Variants in SH3D19 observed in about 807,000 individuals in gnomAD.
SH3D19 encodes the protein SH3 domain containing 19, also known as SH3 domain-containing protein 19.
In SH3D19, 58 loss-of-function variants were observed where a neutral mutation model predicts 112.1. The ratio of observed to expected loss-of-function variants is 0.52; its 90% confidence interval spans 0.42 to 0.64. The LOEUF is 0.64. Among genes scored for constraint, SH3D19 ranks in the 30% least tolerant of loss-of-function variants. SH3D19 has a pLI of 0.00. For synonymous variants in SH3D19, 391 were observed against 448.5 expected (o/e 0.87, Z 1.62); for missense variants, 1,090 against 1,263.4 (o/e 0.86, Z 2.08).
In SH3D19 at chr4:151,175,149, G is replaced by C. The variant is rs563173361; in HGVS notation, c.1055C>G (p.Thr352Ser). 3 of 1,614,168 alleles carry C rather than the reference G, an allele frequency of 1.9e-6. No homozygotes were observed. Among genetic ancestry groups the C allele is most frequent in the Non-Finnish European group, 2.5e-6 (3 of 1,180,016 alleles). The stretch of plus-strand genomic sequence containing the variant: ...GGAGGTCACCTTGAGTCTGTTCTCA[G>C]TCCCAGAGTCCCACTCTCCAGAAGC... Reference protein sequence around the residue: ...NRASGEWDSGTENRLKVTSKE... With the variant: ...NRASGEWDSGSENRLKVTSKE... The change falls in exon 7 of 20, where the codon ACT becomes AGT. Residue 352 changes from threonine to serine, a missense_variant. Thr to Ser is a moderately conservative substitution (Grantham distance 58, BLOSUM62 1). Coordinates refer to ENST00000604030, the MANE Select transcript of SH3D19 (RefSeq NM_001378122.1).
chr4:151,201,735 G>A lies in SH3D19; in HGVS notation c.153-14272C>T, dbSNP rs569691452. Among the ~76,000 whole-genome samples, 11 of 152,302 alleles carry A rather than the reference G, an allele frequency of 7.2e-5. No homozygotes were observed. The East Asian group carries it at 1.9e-3, about 27-fold the overall frequency. ...TCTAAAAAATAATAAAATAGGCCGG[G>A]CACAGTGGCTCATGCCTATAATCTC... On this transcript the variant is annotated intron_variant, in intron 2 of 19. Transcript: ENST00000604030.
At position 151,175,063 on chromosome 4, in the gene SH3D19, G is replaced by T; in HGVS notation, c.1141C>A (p.Pro381Thr). 1.2e-6 allele frequency: 2 copies of T among 1,614,166 alleles called. No homozygotes were observed. The highest frequency in any genetic ancestry group is 1.7e-6 in the Non-Finnish European group (2 of 1,180,034). Residue 381 changes from proline to threonine, a missense_variant, in exon 7 of 20, where the codon CCT (proline) becomes ACT (threonine). Physicochemically the swap from Pro to Thr is conservative, Grantham distance 38. Coordinates refer to ENST00000604030, the MANE Select transcript of SH3D19 (RefSeq NM_001378122.1). ...GGGTTTGGTTTCTTTGGCAATTCAG[G>T]TTTGGTTACTGGGATGCTTCCCGCT... ...QEAGSIPVTK[P>T]ELPKKPNPGL...
chr4:151,138,496 C>A (rs1398858042), intron 13 of SH3D19, among the ~76,000 whole-genome samples: 2 of 151,652 alleles, frequency 1.3e-5, no homozygotes, highest in Non-Finnish European at 2.9e-5. Flanking sequence ...GCCAGGAGTT[C>A]AAGACCAGCC....
At chr4:151,312,245 T>C (rs1729531770) in intron 1 of SH3D19, among the ~76,000 whole-genome samples, 1 of 152,192 alleles carries the variant, frequency 6.6e-6, no homozygotes. Flanking sequence ...GTTTATTCTG[T>C]TTGAATAAAA....
intron 13 of SH3D19, 119 bp downstream of exon 13, chr4:151,139,656 T>C (rs889548286): frequency 2.5e-6 from 2 of 810,344 alleles, no homozygotes; most frequent in African/African-American, 3.4e-5. Flanking sequence ...CTCTCCAGTC[T>C]CGGACTCTAT....
At chr4:151,134,182 TTTC>T (rs1264227259) in intron 15 of SH3D19, among the ~76,000 whole-genome samples, 1 of 152,212 alleles carries the variant, frequency 6.6e-6, no homozygotes, top group Non-Finnish European at 1.5e-5. Flanking sequence ...GATCAGAAGT[TTTC>T]TTATTTGTGA....
intron 1 of SH3D19, among the ~76,000 whole-genome samples, chr4:151,305,380 T>C (rs1219049683): frequency 6.6e-6 from 1 of 152,224 alleles, no homozygotes; most frequent in Admixed American, 6.5e-5. Context: ...TTCAAATCTT[T>C]TGTTGGATAT....
At chr4:151,181,985 G>GT (rs879589272) in intron 3 of SH3D19, among the ~76,000 whole-genome samples, 1,651 of 145,020 alleles carry the variant, frequency 0.011, 27 homozygotes, top group African/African-American at 0.033. Context: ...CGCTTGTAGG[G>GT]TTTTTTTTTT....
In SH3D19 at chr4:151,159,233, C is replaced by T; in HGVS notation, c.1755+7G>A. 2.1e-6 allele frequency: 3 copies of T among 1,462,870 alleles called. No individual in the cohort carries two copies. The South Asian group carries it at 4.1e-5, about 20-fold the overall frequency. 90.6% of individuals were successfully genotyped at this position (1,462,870 alleles called of 1,614,324 possible). ...TCAATCTAGTACAATCTATAATGAC[C>T]ACTTACCAAGTTTCTAGTTCTCTCA... On this transcript the variant is annotated splice_region_variant and intron_variant, in intron 9 of 19. Transcript: ENST00000604030.
intron 1 of SH3D19, among the ~76,000 whole-genome samples, chr4:151,313,231 T>C (rs1729650906): frequency 6.6e-6 from 1 of 151,972 alleles, no homozygotes; most frequent in Non-Finnish European, 1.5e-5. Flanking sequence ...TACAGAGGTG[T>C]AAGAAATACC....
At chr4:151,231,946 G>A (rs1011168187) in intron 1 of SH3D19, among the ~76,000 whole-genome samples, 1 of 152,158 alleles carries the variant, frequency 6.6e-6, no homozygotes, top group African/African-American at 2.4e-5. Flanking sequence ...CACTTTGGGA[G>A]GCTGAGGTGG....
intron 1 of SH3D19, among the ~76,000 whole-genome samples, chr4:151,312,559 T>C (rs2126375959): frequency 6.6e-6 from 1 of 152,332 alleles, no homozygotes; most frequent in East Asian, 1.9e-4. Flanking sequence ...TTGCTCAAAA[T>C]GTGGCCCAGG....
chr4:151,277,749 A>AGGGTAT (rs1773782462), intron 1 of SH3D19, among the ~76,000 whole-genome samples: 1 of 152,142 alleles, frequency 6.6e-6, no homozygotes, highest in Non-Finnish European at 1.5e-5. Context: ...ATTTAAAGGA[A>AGGGTAT]GGGTATACTG....
chr4:151,310,193 G>A (rs1355275837), intron 1 of SH3D19, among the ~76,000 whole-genome samples: 2 of 140,540 alleles, frequency 1.4e-5, no homozygotes, highest in Non-Finnish European at 3.0e-5. Context: ...GGTTAACACA[G>A]CGAAACTCTG....
chr4:151,199,841 T>A (rs1045371368), intron 2 of SH3D19, among the ~76,000 whole-genome samples: 1 of 152,200 alleles, frequency 6.6e-6, no homozygotes, highest in South Asian at 2.1e-4. Flanking sequence ...CTTTAAAAAA[T>A]ATATATTTAT....
Position 151,176,890 on chromosome 4 carries a change from G to A in SH3D19, c.302C>T (p.Pro101Leu). 1 of 1,232,202 alleles carries A rather than the reference G, an allele frequency of 8.1e-7. No homozygotes were observed. Among genetic ancestry groups the A allele is most frequent in the Non-Finnish European group, 1.0e-6 (1 of 987,976 alleles). The allele number at this position is 1,232,202 out of a possible 1,614,324, so 76.3% of individuals were successfully genotyped here. The change falls in exon 5 of 20, where the codon CCA (proline) becomes CTA (leucine). Residue 101 changes from proline (P) to leucine (L), a missense_variant. Physicochemically the swap from Pro to Leu is moderately conservative, Grantham distance 98. Transcript: ENST00000604030. ...LRPASWFPGT[P>L]PPGLGFPTSS... ...TGTAGGAAATCCCAGTCCTGGGGGT[G>A]GGGTTCCTGGAAACCACGAGGCTGG...
intron 2 of SH3D19, among the ~76,000 whole-genome samples, chr4:151,225,329 A>G (rs1768813566): frequency 6.6e-6 from 1 of 152,214 alleles, no homozygotes; most frequent in East Asian, 1.9e-4. Context: ...ACTGGGTTAC[A>G]AATATTAAAT....
chr4:151,265,743 A>C (rs1162966457), intron 1 of SH3D19, among the ~76,000 whole-genome samples: 1 of 151,500 alleles, frequency 6.6e-6, no homozygotes, highest in African/African-American at 2.4e-5. Flanking sequence ...CACCCAGCTA[A>C]TTTTTATATT....
intron 1 of SH3D19, among the ~76,000 whole-genome samples, chr4:151,244,703 A>G (rs2149970936): frequency 6.6e-6 from 1 of 152,364 alleles, no homozygotes; most frequent in Admixed American, 6.5e-5. Flanking sequence ...TGTGTCAACA[A>G]TTTAAAACAG....
Sources: allele counts gnomAD v4.1 joint callset (sites outside exome capture counted in the v4.1 genomes callset), GRCh38; gene constraint gnomAD v4.1.1; transcripts MANE v1.5; gene names NCBI Gene and HGNC (gene_info 2026-07-23, HGNC 2026-07-21).